DUSP7: variants seen among roughly 807,000 people sequenced by gnomAD.
DUSP7 encodes the protein dual specificity phosphatase 7.
A neutral mutation model predicts 29.8 loss-of-function variants in DUSP7; 7 were observed. That is an observed-to-expected ratio of 0.24 (90% confidence interval 0.13 to 0.44). The LOEUF is 0.44. Ranked by LOEUF, DUSP7 falls within the 20% of genes least tolerant of loss-of-function variation. The pLI is 1.00. For missense variants in DUSP7, 400 were observed against 583.7 expected, an observed-to-expected ratio of 0.69 and a Z score of 3.24; for synonymous variants, 287 against 275.4, an observed-to-expected ratio of 1.04 and a Z score of -0.42.
At position 52,055,824 on chromosome 3, in the gene DUSP7, G is replaced by T. The variant is rs375431632; in HGVS notation, c.517+26C>A. The T allele has an allele frequency of 5.2e-5, 79 of 1,504,892 alleles. No homozygotes were observed. In the African/African-American group the frequency reaches 1.1e-3, roughly 20 times the overall value. 93.2% of individuals were successfully genotyped at this position (1,504,892 alleles called of 1,614,324 possible). ...GGAGTCGCGGGGGGGCCCCGATCCC[G>T]TAAGGCGTCTCGGTGCCGCCCTCAC... On this transcript the variant is annotated intron_variant, in intron 1 of 2. Transcript: ENST00000495880.
Position 52,051,237 on chromosome 3 carries a change from G to A in DUSP7, c.953-115C>T, listed in dbSNP as rs746340506. On this transcript the variant is annotated intron_variant, in intron 2 of 2. Coordinates refer to ENST00000495880, the MANE Select transcript of DUSP7 (RefSeq NM_001947.4). This position sits in a 1 kb window ranked among gnomAD's most constrained non-coding sequence, Gnocchi z 4.8. ...GCATGGTGGCTGGCTGGTCTTGCCC[G>A]ACCCCTGAGGGACCTGGCCAAGCCC... 1.1e-5 allele frequency: 13 copies of A among 1,233,346 alleles called. No individual in the cohort carries two copies. The highest frequency in any genetic ancestry group is 5.0e-5 in the Admixed American group (2 of 40,102). The allele number at this position is 1,233,346 out of a possible 1,614,324, so 76.4% of individuals were successfully genotyped here.
chr3:52,054,024 C>G lies in DUSP7; in HGVS notation c.868G>C (p.Glu290Gln), dbSNP rs200120854. The change falls in exon 2 of 3, where the codon GAG (glutamate) becomes CAG (glutamine). Residue 290 changes from glutamate (E) to glutamine (Q), a missense_variant. By Grantham distance (29) the Glu-to-Gln change is conservative. Coordinates refer to ENST00000495880, the MANE Select transcript of DUSP7 (RefSeq NM_001947.4). The surrounding 1 kb of genome is among the most constrained non-coding windows in gnomAD (Gnocchi z 4.1). Reference protein sequence around the residue: ...NLPNAFEHGGEFTYKQIPISD... With the variant: ...NLPNAFEHGGQFTYKQIPISD... ...ATGGGGATCTGCTTGTAGGTGAACT[C>G]GCCGCCGTGCTCGAAGGCGTTGGGT... The G allele has an allele frequency of 6.2e-7, 1 of 1,614,078 alleles. No homozygotes were observed. The highest frequency in any genetic ancestry group is 1.3e-5 in the African/African-American group (1 of 74,924).
rs1234292238 is a variant in DUSP7, at chr3:52,051,729, T to A, written c.953-607A>T. ...TGTCCCTGAGAGTCTTCTAGGAAAG[T>A]GGCCTGAGGGAGGCTCCTCTGGAAG... On this transcript the variant is annotated intron_variant, in intron 2 of 2. Transcript: ENST00000495880. The surrounding 1 kb of genome is among the most constrained non-coding windows in gnomAD (Gnocchi z 4.8). 6.6e-6 allele frequency: 1 copy of A among 152,394 alleles called. No individual in the cohort carries two copies. The highest frequency in any genetic ancestry group is 2.4e-5 in the African/African-American group (1 of 41,450). The allele number at this position is 152,394 out of a possible 1,614,324, so 9.4% of individuals were successfully genotyped here. A position where few individuals can be genotyped will look rare whatever the true frequency, so the allele number is the denominator to read the frequency against.
Position 52,053,884 on chromosome 3 carries a change from A to T in DUSP7, c.952+56T>A, listed in dbSNP as rs749607696. 1 of 1,599,274 alleles carries T rather than the reference A, an allele frequency of 6.3e-7. No individual in the cohort carries two copies. The highest frequency in any genetic ancestry group is 8.6e-7 in the Non-Finnish European group (1 of 1,167,244). ...CCAGTCAGGCGGGGGCGCCACCCAG[A>T]GTCCTGCATACACCTTGATGCACCC... On this transcript the variant is annotated intron_variant, in intron 2 of 2. Coordinates refer to ENST00000495880, the MANE Select transcript of DUSP7 (RefSeq NM_001947.4). The surrounding 1 kb of genome is among the most constrained non-coding windows in gnomAD (Gnocchi z 4.6).
rs1325309397 is a variant in DUSP7 at position 52,050,640 on chromosome 3, C to A, written c.*175G>T. The A allele has an allele frequency of 1.1e-5, 8 of 754,164 alleles. No homozygotes were observed. The highest frequency in any genetic ancestry group is 2.0e-5 in the South Asian group (1 of 49,842). The allele number at this position is 754,164 out of a possible 1,614,324, so 46.7% of individuals were successfully genotyped here. A position where few individuals can be genotyped will look rare whatever the true frequency, so the allele number is the denominator to read the frequency against. ...GCCCTGCAGTGGGAGACCTTGCCTG[C>A]GGGCCCTGCCCCCAAGGATGGTGAG... On this transcript the variant is annotated 3_prime_UTR_variant, in exon 3 of 3. Coordinates refer to ENST00000495880, the MANE Select transcript of DUSP7 (RefSeq NM_001947.4). The surrounding 1 kb of genome is among the most constrained non-coding windows in gnomAD (Gnocchi z 5.0).
rs1017483729 is a variant in DUSP7, at chr3:52,049,742, G to GAGAGAGAGAGGGAGAGAGAGAA, written c.*1051_*1072dup. On this transcript the variant is annotated 3_prime_UTR_variant, in exon 3 of 3. Coordinates refer to ENST00000495880, the MANE Select transcript of DUSP7 (RefSeq NM_001947.4). ...AGGGAGGGGGGGAGAGAGAAAGAAA[G>GAGAGAGAGAGGGAGAGAGAGAA]AGAGAGAGAGGGAGAGAGAGAAAGA... 4.6e-5 allele frequency: 7 copies of GAGAGAGAGAGGGAGAGAGAGAA among 152,054 alleles called. No homozygotes were observed. The highest frequency in any genetic ancestry group is 1.7e-4 in the African/African-American group (7 of 41,504). The allele number at this position is 152,054 out of a possible 1,614,324, so 9.4% of individuals were successfully genotyped here.
rs552120748 is a variant in DUSP7 at position 52,053,844 on chromosome 3, C to G, written c.952+96G>C. ...CACGTAGGGCACACACAGGTCTCAA[C>G]AGGCCCAGAGGTACCCAGTCAGGCG... On this transcript the variant is annotated intron_variant, in intron 2 of 2. Coordinates refer to ENST00000495880, the MANE Select transcript of DUSP7 (RefSeq NM_001947.4). The surrounding 1 kb of genome is among the most constrained non-coding windows in gnomAD (Gnocchi z 4.6). 14 of 1,400,414 alleles carry G rather than the reference C, an allele frequency of 1.0e-5. 1 individual carries two copies. Among genetic ancestry groups the G allele is most frequent in the African/African-American group, 8.5e-5 (6 of 70,406 alleles). 86.7% of individuals were successfully genotyped at this position (1,400,414 alleles called of 1,614,324 possible).
Position 52,056,263 on chromosome 3 carries a change from G to A in DUSP7, c.104C>T (p.Ser35Leu). Residue 35 changes from serine (S) to leucine (L), a missense_variant, in exon 1 of 3, where the codon TCG (serine) becomes TTG (leucine). By Grantham distance (145) the Ser-to-Leu change is moderately radical (BLOSUM62 -2). Around this residue, in one of 4 missense-constraint regions of DUSP7, gnomAD observed 96 missense variants for 97.1 expected, o/e 0.99. Coordinates refer to ENST00000495880, the MANE Select transcript of DUSP7 (RefSeq NM_001947.4). The surrounding 1 kb of genome is among the most constrained non-coding windows in gnomAD (Gnocchi z 6.4). The stretch of plus-strand genomic sequence containing the variant: ...CGCCCCGGTGCCTGCGCCGGACCCC[G>A]ACCCCGCACCGGGCTCGGACCCCGC... The part of the protein sequence containing the change: ...TRAGSEPGAG[S>L]GSGAGTGAGA... The A allele has an allele frequency of 7.6e-7, 1 of 1,321,966 alleles. No individual in the cohort carries two copies. The highest frequency in any genetic ancestry group is 9.6e-7 in the Non-Finnish European group (1 of 1,042,058). The allele number at this position is 1,321,966 out of a possible 1,614,324, so 81.9% of individuals were successfully genotyped here.
rs757881216 is a variant in DUSP7, at chr3:52,054,240, C to T, written c.652G>A (p.Asp218Asn). The T allele has an allele frequency of 4.3e-6, 7 of 1,609,578 alleles. No individual in the cohort carries two copies. The highest frequency in any genetic ancestry group is 1.3e-5 in the African/African-American group (1 of 74,880). The stretch of plus-strand genomic sequence containing the variant: ...GGCAGCTCTCGGTCCGACTCGCCGT[C>T]GGAGCAGTCAGAGCTGATGCGCAGG... ...GGLRISSDCS[D>N]GESDRELPSS... Residue 218 changes from aspartate (D) to asparagine (N), a missense_variant, in exon 2 of 3, where the codon GAC becomes AAC. By Grantham distance (23) the Asp-to-Asn change is conservative (BLOSUM62 1). Transcript: ENST00000495880. The surrounding 1 kb of genome is among the most constrained non-coding windows in gnomAD (Gnocchi z 4.1).
At chr3:52,052,298 C>G (rs1701855927) in intron 2 of DUSP7, 1 of 152,368 alleles carries the variant, frequency 6.6e-6, no homozygotes, top group African/African-American at 2.4e-5. Context: ...CGGGTTCACC[C>G]ACTGTTCTTC....
Position 52,051,269 on chromosome 3 carries a change from G to A in DUSP7, c.953-147C>T. 2.4e-6 allele frequency: 2 copies of A among 847,248 alleles called. No homozygotes were observed. The highest frequency in any genetic ancestry group is 3.6e-6 in the Non-Finnish European group (2 of 559,774). The allele number at this position is 847,248 out of a possible 1,614,324, so 52.5% of individuals were successfully genotyped here. On this transcript the variant is annotated intron_variant, in intron 2 of 2. Transcript: ENST00000495880. This position sits in a 1 kb window ranked among gnomAD's most constrained non-coding sequence, Gnocchi z 4.8. ...GAGGGACCTGGCCAAGCCCAGTGTGGGTAGGGCAGCAACTTGGAATAGAGG... is the reference window on the plus strand; with the variant it reads ...GAGGGACCTGGCCAAGCCCAGTGTGAGTAGGGCAGCAACTTGGAATAGAGG...
rs961214776 is a variant in DUSP7 at position 52,050,061 on chromosome 3, T to A, written c.*754A>T. On this transcript the variant is annotated 3_prime_UTR_variant, in exon 3 of 3. Transcript: ENST00000495880. The surrounding 1 kb of genome is among the most constrained non-coding windows in gnomAD (Gnocchi z 5.0). ...ACTTGCAGCAGTCATCACAGGCGAA[T>A]GCAGAGCTAAGTCAGACTGGGCCAA... 3.5e-4 allele frequency: 53 copies of A among 152,196 alleles called. No individual in the cohort carries two copies. The highest frequency in any genetic ancestry group is 1.2e-3 in the African/African-American group (51 of 41,430). 9.4% of individuals were successfully genotyped at this position (152,196 alleles called of 1,614,324 possible).
At chr3:52,052,169 C>T (rs577420993) in intron 2 of DUSP7, 6 of 152,384 alleles carry the variant, frequency 3.9e-5, no homozygotes, top group African/African-American at 1.4e-4. Context: ...GTGCCAGGGA[C>T]ATAGATTCAC....
chr3:52,056,387 G>A lies in DUSP7; in HGVS notation c.-21C>T. The A allele has an allele frequency of 9.5e-7, 1 of 1,048,260 alleles. No individual in the cohort carries two copies. The highest frequency in any genetic ancestry group is 1.1e-6 in the Non-Finnish European group (1 of 872,156). The allele number at this position is 1,048,260 out of a possible 1,614,324, so 64.9% of individuals were successfully genotyped here. A position where few individuals can be genotyped will look rare whatever the true frequency, so the allele number is the denominator to read the frequency against. The stretch of plus-strand genomic sequence containing the variant: ...TTCATGGGGAGCGCGGGCGGCCCGG[G>A]GCCGGGGCCGGGCAGCCCTGCCCTG... On this transcript the variant is annotated 5_prime_UTR_variant, in exon 1 of 3. Transcript: ENST00000495880. The surrounding 1 kb of genome is among the most constrained non-coding windows in gnomAD (Gnocchi z 6.4).
chr3:52,055,743 C>G, intron 1 of DUSP7, 107 bp downstream of exon 1: 1 of 1,346,170 alleles, frequency 7.4e-7, no homozygotes, highest in Non-Finnish European at 9.8e-7. Flanking sequence ...CGACGTGGCG[C>G]CCAGAGGGGC....
chr3:52,054,472 C>T lies in DUSP7; in HGVS notation c.518-98G>A, dbSNP rs1701878544. 3.1e-6 allele frequency: 3 copies of T among 961,766 alleles called. No homozygotes were observed. Among genetic ancestry groups the T allele is most frequent in the Non-Finnish European group, 4.6e-6 (3 of 659,064 alleles). 59.6% of individuals were successfully genotyped at this position (961,766 alleles called of 1,614,324 possible). On this transcript the variant is annotated intron_variant, in intron 1 of 2. Coordinates refer to ENST00000495880, the MANE Select transcript of DUSP7 (RefSeq NM_001947.4). This position sits in a 1 kb window ranked among gnomAD's most constrained non-coding sequence, Gnocchi z 4.1. ...TGGCCAGGACTCTGCACGCCAAACA[C>T]CACAGCACCCACGGTCAGCATGGGC...
chr3:52,051,183 G>C lies in DUSP7; in HGVS notation c.953-61C>G. 1 of 1,531,628 alleles carries C rather than the reference G, an allele frequency of 6.5e-7. No individual in the cohort carries two copies. The highest frequency in any genetic ancestry group is 8.8e-7 in the Non-Finnish European group (1 of 1,138,070). 94.9% of individuals were successfully genotyped at this position (1,531,628 alleles called of 1,614,324 possible). A position where few individuals can be genotyped will look rare whatever the true frequency, so the allele number is the denominator to read the frequency against. ...CTTCAAGGAGCCTTCCCACATGGGT[G>C]GGCAGGTGGGGCTGGGGCACAGAGG... On this transcript the variant is annotated intron_variant, in intron 2 of 2. Transcript: ENST00000495880. The surrounding 1 kb of genome is among the most constrained non-coding windows in gnomAD (Gnocchi z 4.8).
chr3:52,051,273 G>A lies in DUSP7; in HGVS notation c.953-151C>T. The A allele has an allele frequency of 3.6e-6, 3 of 827,300 alleles. No individual in the cohort carries two copies. Among genetic ancestry groups the A allele is most frequent in the Non-Finnish European group, 3.7e-6 (2 of 542,286 alleles). 51.2% of individuals were successfully genotyped at this position (827,300 alleles called of 1,614,324 possible). A position where few individuals can be genotyped will look rare whatever the true frequency, so the allele number is the denominator to read the frequency against. On this transcript the variant is annotated intron_variant, in intron 2 of 2. Coordinates refer to ENST00000495880, the MANE Select transcript of DUSP7 (RefSeq NM_001947.4). The surrounding 1 kb of genome is among the most constrained non-coding windows in gnomAD (Gnocchi z 4.8). ...GACCTGGCCAAGCCCAGTGTGGGTA[G>A]GGCAGCAACTTGGAATAGAGGTCAA...
intron 2 of DUSP7, chr3:52,052,949 T>TCCTC (rs1386182233): frequency 6.5e-6 from 1 of 154,216 alleles, no homozygotes; most frequent in Admixed American, 6.5e-5. Context: ...CTTCCTTCCT[T>TCCTC]CCTCCCAGCC....
Sources: gnomAD v4.1 joint callset for allele counts on GRCh38, gnomAD v4.1.1 for gene constraint, gnomAD v4.1.1 regional missense constraint, Gnocchi (gnomAD v3.1) non-coding constraint, MANE v1.5 for transcripts, NCBI Gene and HGNC (gene_info 2026-07-23, HGNC 2026-07-21) for gene names.